INSL6: variants seen among roughly 807,000 people sequenced by gnomAD.
INSL6 encodes insulin-like peptide INSL6.
In INSL6, 16 loss-of-function variants were observed where a neutral mutation model predicts 9.4. The ratio of observed to expected loss-of-function variants is 1.70; its 90% CI spans 1.15 to 2.59. The LOEUF is 2.59. INSL6 is among the 30% of genes most tolerant of loss of function. The probability of loss-of-function intolerance (pLI) is 0.00; values close to 1 mark genes in which losing one functional copy is unlikely to be tolerated. For synonymous variants in INSL6, 154 were observed against 96.9 expected, an observed-to-expected ratio of 1.59 and a Z score of -3.46; for missense variants, 391 against 257.3, an observed-to-expected ratio of 1.52 and a Z score of -3.56.
chr9:5,114,231 C>T, the INSL6 span: 1,246 of 522,768 alleles, frequency 2.4e-3, 16 homozygotes, highest in African/African-American at 0.022. Context: ...CCTGTTCATC[C>T]GCAAGTTGCC....
chr9:5,017,287 A>C, the INSL6 span, among the ~76,000 whole-genome samples: 138 of 152,298 alleles, frequency 9.1e-4, no homozygotes, highest in Non-Finnish European at 1.8e-4. Context: ...CAGCAGGAAA[A>C]AGTGAGTCCT....
the INSL6 span, among the ~76,000 whole-genome samples, chr9:5,069,535 T>A: frequency 6.6e-6 from 1 of 152,176 alleles, no homozygotes; most frequent in Non-Finnish European, 1.5e-5. Flanking sequence ...GGATTTTAAT[T>A]TCTGTATTTT....
intron 1 of INSL6, among the ~76,000 whole-genome samples, chr9:5,178,405 G>A (rs1825366921): frequency 6.6e-6 from 1 of 151,934 alleles, no homozygotes; most frequent in Non-Finnish European, 1.5e-5. Context: ...AGCTGCTTTG[G>A]CAGATTGTGG....
chr9:5,132,040 G>C (rs1824302584), intron 3 of INSL6: 1 of 151,994 alleles, frequency 6.6e-6, no homozygotes, highest in East Asian at 1.9e-4. Flanking sequence ...TTGTTGAATA[G>C]AAATTCTTGG....
At chr9:5,037,107 T>A in the INSL6 span, among the ~76,000 whole-genome samples, 1 of 152,084 alleles carries the variant, frequency 6.6e-6, no homozygotes, top group South Asian at 2.1e-4. Context: ...CATGAAAAAA[T>A]GCTCATCACC....
intron 3 of INSL6, among the ~76,000 whole-genome samples, chr9:5,130,671 T>C (rs1410054334): frequency 6.6e-6 from 1 of 152,044 alleles, no homozygotes; most frequent in Non-Finnish European, 1.5e-5. Flanking sequence ...ACTTGAGGTA[T>C]ATATTATGGA....
chr9:4,997,009 C>T, the INSL6 span, among the ~76,000 whole-genome samples: 2 of 150,088 alleles, frequency 1.3e-5, no homozygotes, highest in African/African-American at 2.5e-5. Context: ...CTCACTGCAG[C>T]CTTGCCTTCC....
downstream of INSL6, among the ~76,000 whole-genome samples, chr9:5,120,284 G>A (rs920728387): frequency 2.0e-5 from 3 of 152,156 alleles, no homozygotes; most frequent in Admixed American, 1.3e-4. Context: ...CCCTCATGGC[G>A]TAATCATCTC....
At chr9:5,061,898 T>C in the INSL6 span, among the ~76,000 whole-genome samples, 4 of 152,190 alleles carry the variant, frequency 2.6e-5, no homozygotes, top group Admixed American at 1.3e-4. Context: ...TCAGTGGTCA[T>C]TGTAGGATTA....
intron 2 of INSL6, among the ~76,000 whole-genome samples, chr9:5,146,093 A>G (rs1260221131): frequency 6.7e-6 from 1 of 149,744 alleles, no homozygotes; most frequent in Non-Finnish European, 1.5e-5. Context: ...TCTACTTTCA[A>G]TCTTTGAGGT....
the INSL6 span, among the ~76,000 whole-genome samples, chr9:5,093,201 T>C: frequency 1.3e-5 from 2 of 152,214 alleles, no homozygotes; most frequent in Non-Finnish European, 2.9e-5. Flanking sequence ...TCCTATTATT[T>C]ATACTGTTAA....
chr9:5,009,226 A>T, the INSL6 span, among the ~76,000 whole-genome samples: 2 of 152,318 alleles, frequency 1.3e-5, no homozygotes, highest in East Asian at 3.9e-4. Flanking sequence ...ACCTGTGGGA[A>T]AGGAGAGAAC....
the INSL6 span, among the ~76,000 whole-genome samples, chr9:5,102,023 C>T: frequency 1.3e-5 from 2 of 152,172 alleles, no homozygotes; most frequent in African/African-American, 4.8e-5. Context: ...TCCTTGCCAG[C>T]TGGATGGAGA....
the INSL6 span, among the ~76,000 whole-genome samples, chr9:5,040,783 C>T: frequency 1.3e-5 from 2 of 152,338 alleles, no homozygotes; most frequent in South Asian, 2.1e-4. Flanking sequence ...CCTTAACATG[C>T]GGTGGCTGGC....
chr9:5,063,784 A>G, the INSL6 span, among the ~76,000 whole-genome samples: 1 of 152,216 alleles, frequency 6.6e-6, no homozygotes, highest in African/African-American at 2.4e-5. Context: ...TTTTGTATGT[A>G]AAAATATAAT....
chr9:5,065,076 A>G, the INSL6 span: 2 of 1,369,572 alleles, frequency 1.5e-6, no homozygotes, highest in Non-Finnish European at 2.0e-6. Flanking sequence ...ATTTTTAGAA[A>G]AGTAAATGCT....
chr9:5,064,847 T>A, the INSL6 span: 2 of 1,453,722 alleles, frequency 1.4e-6, no homozygotes, highest in Non-Finnish European at 1.8e-6. Context: ...GTTGACTTTC[T>A]AAAAGGTGCT....
At chr9:5,088,848 C>A in the INSL6 span, among the ~76,000 whole-genome samples, 1 of 151,706 alleles carries the variant, frequency 6.6e-6, no homozygotes, top group Non-Finnish European at 1.5e-5. Context: ...ACCCTTATAA[C>A]CTAATTTAAC....
chr9:5,111,120 C>T, the INSL6 span: 2 of 1,200,922 alleles, frequency 1.7e-6, no homozygotes, highest in South Asian at 2.6e-5. Context: ...CCTCCTTTGA[C>T]CCCAGCTGGA....
Sources: allele counts gnomAD v4.1 joint callset (sites outside exome capture counted in the v4.1 genomes callset), GRCh38; gene constraint gnomAD v4.1.1; transcripts MANE v1.5; gene names NCBI Gene and HGNC (gene_info 2026-07-23, HGNC 2026-07-21).